The following ADAMTS20 variants were observed in gnomAD, a reference collection of about 807,000 sequenced individuals.
The protein encoded by ADAMTS20 is A disintegrin and metalloproteinase with thrombospondin motifs 20.
In ADAMTS20, 225 loss-of-function variants were observed where a neutral mutation model predicts 260.1. That is an observed-to-expected ratio of 0.87 (90% CI 0.78 to 0.97). The LOEUF is 0.97. Among genes scored for constraint, ADAMTS20 ranks in the 50% least tolerant of loss-of-function variants. The pLI, the probability that ADAMTS20 is intolerant of heterozygous loss-of-function variation, is 0.00. For missense variants in ADAMTS20, 2,400 were observed against 2,337.7 expected, an observed-to-expected ratio of 1.03 and a Z score of -0.55; for synonymous variants, 802 against 769.5, an observed-to-expected ratio of 1.04 and a Z score of -0.70.
intron 4 of ADAMTS20, among the ~76,000 whole-genome samples, chr12:43,501,468 C>T (rs796161905): frequency 1.0e-4 from 9 of 87,422 alleles, no homozygotes; most frequent in African/African-American, 6.9e-4. Context: ...GATACGCGCG[C>T]GCGCGCGCGC....
At chr12:43,393,862 C>T (rs953721629) in intron 29 of ADAMTS20, among the ~76,000 whole-genome samples, 1 of 152,008 alleles carries the variant, frequency 6.6e-6, no homozygotes, top group Non-Finnish European at 1.5e-5. Context: ...AAAACCTACC[C>T]ATACTTAACT....
intron 3 of ADAMTS20, among the ~76,000 whole-genome samples, chr12:43,512,583 T>C (rs1303815343): frequency 1.3e-5 from 2 of 152,134 alleles, no homozygotes; most frequent in Non-Finnish European, 2.9e-5. Context: ...TATTTTATAG[T>C]ACTTTTTTCA....
chr12:43,420,973 A>G (rs564291536), intron 28 of ADAMTS20, among the ~76,000 whole-genome samples: 58 of 151,120 alleles, frequency 3.8e-4, no homozygotes, highest in Non-Finnish European at 7.7e-4. Context: ...ACGCCCAGGT[A>G]ATTTTTGTAT....
chr12:43,460,988 A>ATATATATATATTTTTTTTTTTT, intron 11 of ADAMTS20, among the ~76,000 whole-genome samples: 1 of 26,394 alleles, frequency 3.8e-5, no homozygotes, highest in Non-Finnish European at 6.7e-5. Context: ...ATATATATAT[A>ATATATATATATTTTTTTTTTTT]TTTTTTTTTT....
At chr12:43,421,794 C>G (rs1431380823) in intron 28 of ADAMTS20, among the ~76,000 whole-genome samples, 1 of 151,762 alleles carries the variant, frequency 6.6e-6, no homozygotes. Context: ...TAGTTTCTAA[C>G]AAGAATATTA....
rs1940402048 is a variant in ADAMTS20, at chr12:43,383,599, G to C, written c.4756C>G (p.Pro1586Ala). 1.9e-6 allele frequency: 3 copies of C among 1,613,306 alleles called. No homozygotes were observed. In the African/African-American group the frequency reaches 4.0e-5, roughly 22 times the overall value. ...GTTACCACAATGTAATTGCAAGGAG[G>C]GTTCCTGCAATTCTTGGATGTAAGA... ...ISLTSKNCRN[P>A]PCNYIVVTAD... is the part of the protein sequence containing the mutation. Residue 1586 changes from proline to alanine, a missense_variant, in exon 31 of 39, where the codon CCT becomes GCT. Coordinates refer to ENST00000389420, the MANE Select transcript of ADAMTS20 (RefSeq NM_025003.5).
At chr12:43,430,571 A>AT in intron 22 of ADAMTS20, 100 bp from the exon 23 acceptor site, 1 of 1,118,984 alleles carries the variant, frequency 8.9e-7, no homozygotes, top group Non-Finnish European at 1.2e-6. Flanking sequence ...TACTTTTAAT[A>AT]ATCTTTTTAT....
At chr12:43,460,349 A>G (rs1942037514) in intron 11 of ADAMTS20, among the ~76,000 whole-genome samples, 1 of 152,224 alleles carries the variant, frequency 6.6e-6, no homozygotes, top group African/African-American at 2.4e-5. Flanking sequence ...CATAAGATTG[A>G]TAATAATCAT....
Position 43,440,043 on chromosome 12 carries a change from G to T in ADAMTS20, c.2317C>A (p.Leu773Ile). 1.3e-6 allele frequency: 2 copies of T among 1,550,886 alleles called. No homozygotes were observed. Among genetic ancestry groups the T allele is most frequent in the Non-Finnish European group, 1.7e-6 (2 of 1,146,094 alleles). The change falls in exon 17 of 39, where the codon CTT becomes ATT. Residue 773 changes from leucine to isoleucine, a missense_variant. Transcript: ENST00000389420. ...LALSDAEGNF[L>I]FNGNFLLSTS... ...CTTAGAAGAAAATTTCCATTGAAAA[G>T]AAAATTCCCTTCAGCGTCAGATAAT... is the stretch of plus-strand genomic sequence containing the variant.
chr12:43,387,339 G>A (rs1940501571), intron 29 of ADAMTS20, among the ~76,000 whole-genome samples: 1 of 152,178 alleles, frequency 6.6e-6, no homozygotes, highest in Non-Finnish European at 1.5e-5. Flanking sequence ...AGCAAAGATT[G>A]CTGCCTTTTC....
In ADAMTS20 at chr12:43,435,415, C is replaced by T. The variant is rs112268436; in HGVS notation, c.2594-1044G>A. 4.3e-3 allele frequency among the ~76,000 whole-genome samples: 653 copies of T among 151,856 alleles called. 4 individuals are homozygous for T. The highest frequency in any genetic ancestry group is 0.015 in the African/African-American group (608 of 41,424). On this transcript the variant is annotated intron_variant, in intron 18 of 38. Coordinates refer to ENST00000389420, the MANE Select transcript of ADAMTS20 (RefSeq NM_025003.5). ...CAGCACTTTGGGAAGCTGAGGCGGGCGGATCACGAGGTCAGGAGATCAAGA... is the reference window on the plus strand; with the variant it reads ...CAGCACTTTGGGAAGCTGAGGCGGGTGGATCACGAGGTCAGGAGATCAAGA...
At chr12:43,476,993 A>T (rs1045636683) in intron 7 of ADAMTS20, among the ~76,000 whole-genome samples, 5 of 53,716 alleles carry the variant, frequency 9.3e-5, no homozygotes, top group Admixed American at 6.4e-4. Context: ...CTTAAAGTAT[A>T]AAAAAAAAAA....
chr12:43,481,516 AAAG>A (rs1942441731), intron 7 of ADAMTS20, among the ~76,000 whole-genome samples: 1 of 152,204 alleles, frequency 6.6e-6, no homozygotes, highest in Admixed American at 6.5e-5. Flanking sequence ...TATAAGGATT[AAAG>A]AAGAGGAAAT....
chr12:43,457,895 C>A (rs1170539256), intron 11 of ADAMTS20, among the ~76,000 whole-genome samples: 2 of 152,176 alleles, frequency 1.3e-5, no homozygotes, highest in Admixed American at 6.5e-5. Flanking sequence ...CCATTCAAAT[C>A]TTTCATTATT....
intron 38 of ADAMTS20, among the ~76,000 whole-genome samples, chr12:43,356,195 G>A (rs1355797341): frequency 6.6e-6 from 1 of 152,070 alleles, no homozygotes; most frequent in Non-Finnish European, 1.5e-5. Context: ...CCAAACTTGA[G>A]ATAGACAAAA....
chr12:43,372,818 T>TA (rs1940135459), intron 36 of ADAMTS20, among the ~76,000 whole-genome samples: 1 of 152,140 alleles, frequency 6.6e-6, no homozygotes, highest in Non-Finnish European at 1.5e-5. Context: ...AAGATTCAGG[T>TA]AGGCTGGTAG....
chr12:43,399,860 T>G (rs976042970), intron 28 of ADAMTS20, among the ~76,000 whole-genome samples: 1 of 152,088 alleles, frequency 6.6e-6, no homozygotes, highest in East Asian at 1.9e-4. Context: ...CGATTTGACT[T>G]CATTTGTCAG....
At chr12:43,546,334 G>A (rs544684424) in intron 2 of ADAMTS20, among the ~76,000 whole-genome samples, 44 of 152,206 alleles carry the variant, frequency 2.9e-4, no homozygotes, top group Middle Eastern at 3.4e-3. Flanking sequence ...TGCAATGTCT[G>A]GTTTCATGAC....
chr12:43,405,240 A>C (rs1052327277), intron 28 of ADAMTS20, among the ~76,000 whole-genome samples: 4,116 of 133,272 alleles, frequency 0.031, 166 homozygotes, highest in Non-Finnish European at 0.049. Context: ...AAAAAAAAAA[A>C]AAAAAAAAAA....
Sources: allele counts gnomAD v4.1 joint callset (sites outside exome capture counted in the v4.1 genomes callset), GRCh38; gene constraint gnomAD v4.1.1; transcripts MANE v1.5; gene names NCBI Gene and HGNC (gene_info 2026-07-23, HGNC 2026-07-21).